The following PCDHGB3 variants were observed in gnomAD, a reference collection of about 807,000 sequenced individuals.
The protein encoded by PCDHGB3 is protocadherin gamma subfamily B, 3, also known as protocadherin gamma-B3.
PCDHGB3 carries 40 observed loss-of-function variants against 59.2 expected under a neutral mutation model. The ratio of observed to expected loss-of-function variants is 0.68; its 90% CI spans 0.52 to 0.88. The LOEUF (loss-of-function observed/expected upper bound fraction) is 0.88, where lower values mean the gene tolerates loss of function less well. Among genes scored for constraint, PCDHGB3 ranks in the 40% least tolerant of loss-of-function variants. The pLI is 0.00. For synonymous variants in PCDHGB3, 581 were observed against 503.6 expected (o/e 1.15, Z -2.06); for missense variants, 1,309 against 1,187.9 (o/e 1.10, Z -1.50).
In PCDHGB3 at chr5:141,421,851, T is replaced by A. The variant is rs771169063; in HGVS notation, c.2415+49042T>A. 16 of 1,613,596 alleles carry A rather than the reference T, an allele frequency of 9.9e-6. No homozygotes were observed. The Middle Eastern group carries it at 4.9e-4, about 50-fold the overall frequency. On this transcript the variant is annotated intron_variant, in intron 1 of 3. Coordinates refer to ENST00000576222, the MANE Select transcript of PCDHGB3 (RefSeq NM_018924.5). ...GCCTGGACCGAGAGAAAGAGGCTGC[T>A]CACCTGCTCCTCCTCACAGCTTTAG...
chr5:141,489,935 T>C lies in PCDHGB3; in HGVS notation c.2416-4872T>C. On this transcript the variant is annotated intron_variant, in intron 1 of 3. Coordinates refer to ENST00000576222, the MANE Select transcript of PCDHGB3 (RefSeq NM_018924.5). The surrounding 1 kb of genome is among the most constrained non-coding windows in gnomAD (Gnocchi z 4.5). ...GGGACCACCCTTATCTCTGTCATCG[T>C]GCTGGACATCAATGATAATGCTCCA... 1 of 1,614,216 alleles carries C rather than the reference T, an allele frequency of 6.2e-7. No individual in the cohort carries two copies.
In PCDHGB3 at chr5:141,432,142, C is replaced by T; in HGVS notation, c.2415+59333C>T. 1 of 1,614,098 alleles carries T rather than the reference C, an allele frequency of 6.2e-7. No individual in the cohort carries two copies. Among genetic ancestry groups the T allele is most frequent in the Non-Finnish European group, 8.5e-7 (1 of 1,180,016 alleles). On this transcript the variant is annotated intron_variant, in intron 1 of 3. Transcript: ENST00000576222. This position sits in a 1 kb window ranked among gnomAD's most constrained non-coding sequence, Gnocchi z 6.0. Reference sequence around the variant, plus strand: ...CTCAGGCCTCCTATTCCGCTTATATCCCAGAGAACAATCCCAGAGGAGTTT... The same window carrying T: ...CTCAGGCCTCCTATTCCGCTTATATTCCAGAGAACAATCCCAGAGGAGTTT...
In PCDHGB3 at chr5:141,372,630, A is replaced by G; in HGVS notation, c.2236A>G (p.Arg746Gly). The G allele has an allele frequency of 6.2e-7, 1 of 1,614,014 alleles. No homozygotes were observed. Among genetic ancestry groups the G allele is most frequent in the Non-Finnish European group, 8.5e-7 (1 of 1,179,874 alleles). The change falls in exon 1 of 4, where the codon AGG becomes GGG. Residue 746 changes from arginine to glycine, a missense_variant. Coordinates refer to ENST00000576222, the MANE Select transcript of PCDHGB3 (RefSeq NM_018924.5). ...TGGAGTTCTCCCCACCTACAGCGAA[A>G]GGACTTTGCCTTATTCCTACAATCC... ...VPGVLPTYSE[R>G]TLPYSYNPCA...
At position 141,399,929 on chromosome 5, in the gene PCDHGB3, C is replaced by T. The variant is rs746168026; in HGVS notation, c.2415+27120C>T. 15 of 1,612,262 alleles carry T rather than the reference C, an allele frequency of 9.3e-6. No homozygotes were observed. The African/African-American group carries it at 1.1e-4, about 11-fold the overall frequency. On this transcript the variant is annotated intron_variant, in intron 1 of 3. Coordinates refer to ENST00000576222, the MANE Select transcript of PCDHGB3 (RefSeq NM_018924.5). ...GACTCAGGACACAACGCCTGGCTGT[C>T]CTACCACGTGCTGCAGGCTAGCGAG...
intron 1 of PCDHGB3, among the ~76,000 whole-genome samples, chr5:141,425,417 G>A (rs1238708306): frequency 2.0e-5 from 3 of 152,162 alleles, no homozygotes; most frequent in East Asian, 3.9e-4. Context: ...ATAACATATA[G>A]TCCCATTAAA....
At chr5:141,388,887 G>T (rs1445900617) in intron 1 of PCDHGB3, 1 of 1,613,988 alleles carries the variant, frequency 6.2e-7, no homozygotes, top group South Asian at 1.1e-5. Context: ...GGAGGTAGAA[G>T]TCATAGATGA....
Position 141,477,286 on chromosome 5 carries a change from A to G in PCDHGB3, c.2416-17521A>G, listed in dbSNP as rs1367207950. 1.9e-6 allele frequency: 3 copies of G among 1,614,194 alleles called. No individual in the cohort carries two copies. Among genetic ancestry groups the G allele is most frequent in the Non-Finnish European group, 8.5e-7 (1 of 1,180,034 alleles). ...GCGAGAACGGGCTGGTGACCTGCGA[A>G]GTTCCACCGGGTCTCCCTTTCAGCC... On this transcript the variant is annotated intron_variant, in intron 1 of 3. Coordinates refer to ENST00000576222, the MANE Select transcript of PCDHGB3 (RefSeq NM_018924.5). The surrounding 1 kb of genome is among the most constrained non-coding windows in gnomAD (Gnocchi z 4.9).
chr5:141,490,565 T>C lies in PCDHGB3; in HGVS notation c.2416-4242T>C. ...CTACACAAACATCTCACCATCAGGC[T>C]CAACATTTCAGATGTCAATGACAAT... On this transcript the variant is annotated intron_variant, in intron 1 of 3. Coordinates refer to ENST00000576222, the MANE Select transcript of PCDHGB3 (RefSeq NM_018924.5). This position sits in a 1 kb window ranked among gnomAD's most constrained non-coding sequence, Gnocchi z 5.4. 8 of 1,614,116 alleles carry C rather than the reference T, an allele frequency of 5.0e-6. No individual in the cohort carries two copies. Among genetic ancestry groups the C allele is most frequent in the Non-Finnish European group, 6.8e-6 (8 of 1,180,024 alleles).
intron 1 of PCDHGB3, chr5:141,374,783 G>A: frequency 6.2e-7 from 1 of 1,613,908 alleles, no homozygotes; most frequent in Non-Finnish European, 8.5e-7. Flanking sequence ...AACAGTTCTA[G>A]ATGTGAATGA....
intron 3 of PCDHGB3, among the ~76,000 whole-genome samples, chr5:141,509,362 G>C (rs2099876497): frequency 6.6e-6 from 1 of 152,152 alleles, no homozygotes; most frequent in Non-Finnish European, 1.5e-5. Flanking sequence ...GCATCCCTGA[G>C]GTTTTAACTG....
At chr5:141,470,302 C>A (rs996558051) in intron 1 of PCDHGB3, among the ~76,000 whole-genome samples, 5 of 152,188 alleles carry the variant, frequency 3.3e-5, no homozygotes, top group African/African-American at 1.2e-4. Context: ...GTTTTTATTC[C>A]ATTTTTCCTC....
rs1181585491 is a variant in PCDHGB3, at chr5:141,371,693, C to A, written c.1299C>A (p.Ser433=). The part of the protein sequence containing the change: ...TATDKGNPPL[S]SSKTITLHIL... Reference sequence around the variant, plus strand: ...CCGACAAAGGCAATCCACCGCTCTCCTCCAGCAAGACCATCACTCTGCACA... The same window carrying A: ...CCGACAAAGGCAATCCACCGCTCTCATCCAGCAAGACCATCACTCTGCACA... The change falls in exon 1 of 4, where the codon TCC becomes TCA. Residue 433 remains serine (S), a synonymous_variant. Transcript: ENST00000576222. 6.8e-6 allele frequency: 11 copies of A among 1,613,948 alleles called. No individual in the cohort carries two copies. In the Admixed American group the frequency reaches 1.7e-4, roughly 24 times the overall value.
chr5:141,430,944 G>C (rs1417018095), intron 1 of PCDHGB3: 1 of 1,609,214 alleles, frequency 6.2e-7, no homozygotes, highest in Non-Finnish European at 8.5e-7. Flanking sequence ...CTCGCGGAGC[G>C]CGGAGTCCGC....
In PCDHGB3 at chr5:141,408,872, G is replaced by T. The variant is rs752537671; in HGVS notation, c.2415+36063G>T. 3.1e-6 allele frequency: 5 copies of T among 1,613,448 alleles called. No individual in the cohort carries two copies. The highest frequency in any genetic ancestry group is 4.2e-6 in the Non-Finnish European group (5 of 1,179,760). Reference sequence around the variant, plus strand: ...GGACGGAGGGGACCCACCAAGAAGTGCCACCGCTCACATAGAAATTTCTGT... The same window carrying T: ...GGACGGAGGGGACCCACCAAGAAGTTCCACCGCTCACATAGAAATTTCTGT... On this transcript the variant is annotated intron_variant, in intron 1 of 3. Transcript: ENST00000576222.
chr5:141,402,789 T>C (rs1047869740), intron 1 of PCDHGB3: 2 of 952,520 alleles, frequency 2.1e-6, no homozygotes, highest in South Asian at 4.2e-5. Context: ...GTTCTGCGGC[T>C]ACACAAAACC....
chr5:141,415,552 G>T (rs1244457142), intron 1 of PCDHGB3: 3 of 1,613,980 alleles, frequency 1.9e-6, no homozygotes, highest in African/African-American at 2.7e-5. Flanking sequence ...TGAGAAAAAC[G>T]ATCCTTTGTC....
chr5:141,388,889 C>A, intron 1 of PCDHGB3: 2 of 1,613,954 alleles, frequency 1.2e-6, no homozygotes, highest in Non-Finnish European at 1.7e-6. Flanking sequence ...AGGTAGAAGT[C>A]ATAGATGAAA....
Position 141,485,943 on chromosome 5 carries a change from C to A in PCDHGB3, c.2416-8864C>A, listed in dbSNP as rs750871245. The A allele has an allele frequency of 1.9e-6, 3 of 1,614,126 alleles. No individual in the cohort carries two copies. Among genetic ancestry groups the A allele is most frequent in the Non-Finnish European group, 1.7e-6 (2 of 1,180,012 alleles). ...ATTAGTGTGTTGGAGAGCGCACCAG[C>A]GGGCATGGTGCTCATCCAGCTCAAT... is the stretch of plus-strand genomic sequence containing the variant. On this transcript the variant is annotated intron_variant, in intron 1 of 3. Coordinates refer to ENST00000576222, the MANE Select transcript of PCDHGB3 (RefSeq NM_018924.5). The surrounding 1 kb of genome is among the most constrained non-coding windows in gnomAD (Gnocchi z 5.7).
rs756152313 is a variant in PCDHGB3, at chr5:141,371,684, A to G, written c.1290A>G (p.Pro430=). ...VTITATDKGN[P]PLSSSKTITL... is the part of the protein sequence containing the mutation. ...TCACAGCTACCGACAAAGGCAATCC[A>G]CCGCTCTCCTCCAGCAAGACCATCA... Residue 430 remains proline (P), a synonymous_variant, in exon 1 of 4, where the codon CCA becomes CCG. Transcript: ENST00000576222. 4 of 1,614,050 alleles carry G rather than the reference A, an allele frequency of 2.5e-6. No individual in the cohort carries two copies. Among genetic ancestry groups the G allele is most frequent in the Non-Finnish European group, 3.4e-6 (4 of 1,179,910 alleles).
Sources: allele counts gnomAD v4.1 joint callset (sites outside exome capture counted in the v4.1 genomes callset), GRCh38; gene constraint gnomAD v4.1.1; non-coding constraint Gnocchi (gnomAD v3.1); transcripts MANE v1.5; gene names NCBI Gene and HGNC (gene_info 2026-07-23, HGNC 2026-07-21).